Variants in MELK observed in about 807,000 individuals in gnomAD.
The protein encoded by MELK is pEg3 kinase.
MELK carries 81 observed loss-of-function variants against 85.0 expected under a neutral mutation model. The ratio of observed to expected loss-of-function variants is 0.95; its 90% CI spans 0.80 to 1.15. The LOEUF (loss-of-function observed/expected upper bound fraction) is 1.15. MELK is among the 50% of genes most tolerant of loss of function. The pLI is 0.00. For missense variants in MELK, 754 were observed against 777.5 expected, an observed-to-expected ratio of 0.97 and a Z score of 0.36; for synonymous variants, 252 against 265.0, an observed-to-expected ratio of 0.95 and a Z score of 0.48.
At chr9:36,578,469 AT>A (rs989226644) in intron 1 of MELK, among the ~76,000 whole-genome samples, 1 of 152,196 alleles carries the variant, frequency 6.6e-6, no homozygotes, top group Admixed American at 6.5e-5. Context: ...TGTAGTAAAA[AT>A]CATTAGATGT....
chr9:36,580,488 T>C (rs1056720104), intron 1 of MELK, among the ~76,000 whole-genome samples: 1 of 148,942 alleles, frequency 6.7e-6, no homozygotes, highest in African/African-American at 2.5e-5. Context: ...CCTGGCTAAT[T>C]TGTGTATTTT....
intron 11 of MELK, among the ~76,000 whole-genome samples, chr9:36,646,991 T>G (rs1830269260): frequency 6.6e-6 from 1 of 152,270 alleles, no homozygotes; most frequent in Non-Finnish European, 1.5e-5. Flanking sequence ...GAAACCTTTG[T>G]CTTAGACTTG....
chr9:36,581,847 C>A, intron 2 of MELK, 108 bp downstream of exon 2: 2 of 752,508 alleles, frequency 2.7e-6, no homozygotes, highest in South Asian at 2.2e-5. Flanking sequence ...TTTTAAAATT[C>A]TTCTACCTAC....
At chr9:36,606,563 TA>T (rs1191497311) in intron 7 of MELK, among the ~76,000 whole-genome samples, 1 of 136,148 alleles carries the variant, frequency 7.3e-6, no homozygotes, top group Non-Finnish European at 1.6e-5. Context: ...GGTGTGTATA[TA>T]ATATATAATA....
chr9:36,667,445 T>G (rs1449801572), intron 14 of MELK, among the ~76,000 whole-genome samples: 1 of 152,234 alleles, frequency 6.6e-6, no homozygotes, highest in African/African-American at 2.4e-5. Context: ...CGTGGGCCAT[T>G]GTGCCCGGCC....
chr9:36,631,555 C>T (rs1227740981), intron 9 of MELK, among the ~76,000 whole-genome samples: 3 of 151,790 alleles, frequency 2.0e-5, no homozygotes, highest in African/African-American at 4.8e-5. Flanking sequence ...TGTGAGCCAC[C>T]GCACCCAGCC....
At chr9:36,656,401 C>T (rs1262920535) in intron 12 of MELK, among the ~76,000 whole-genome samples, 1 of 152,142 alleles carries the variant, frequency 6.6e-6, no homozygotes, top group Non-Finnish European at 1.5e-5. Flanking sequence ...ATTTGAGAGT[C>T]GGAGGTTTTC....
rs139108274 is a variant in MELK at position 36,572,929 on chromosome 9, C to G, written c.-117C>G. ...CGATCGAAAAGATTCTTAGGAACGC[C>G]GTACCAGCCGCGTCTCTCAGGACAG... On this transcript the variant is annotated 5_prime_UTR_variant, in exon 1 of 18. Coordinates refer to ENST00000298048, the MANE Select transcript of MELK (RefSeq NM_014791.4). 1.3e-5 allele frequency: 2 copies of G among 152,108 alleles called. No individual in the cohort carries two copies. Among genetic ancestry groups the G allele is most frequent in the Non-Finnish European group, 2.9e-5 (2 of 68,030 alleles). The allele number at this position is 152,108 out of a possible 1,614,324, so 9.4% of individuals were successfully genotyped here.
intron 13 of MELK, among the ~76,000 whole-genome samples, chr9:36,659,536 T>C (rs1172613243): frequency 6.6e-6 from 1 of 152,222 alleles, no homozygotes; most frequent in Non-Finnish European, 1.5e-5. Flanking sequence ...TGGTGGTCCA[T>C]GAGATTATAA....
At chr9:36,616,258 A>G (rs1389373358) in intron 8 of MELK, among the ~76,000 whole-genome samples, 1 of 152,170 alleles carries the variant, frequency 6.6e-6, no homozygotes, top group Non-Finnish European at 1.5e-5. Flanking sequence ...TGCCACAGTC[A>G]GAATGTAGAA....
chr9:36,587,311 C>T (rs1379361928), intron 3 of MELK, among the ~76,000 whole-genome samples: 1 of 150,542 alleles, frequency 6.6e-6, no homozygotes, highest in Non-Finnish European at 1.5e-5. Flanking sequence ...AAGACGGAGT[C>T]CCTTTTTATT....
intron 17 of MELK, among the ~76,000 whole-genome samples, 200 bp from the exon 18 acceptor site, chr9:36,676,960 T>C (rs1338162264): frequency 6.6e-6 from 1 of 152,182 alleles, no homozygotes; most frequent in Non-Finnish European, 1.5e-5. Context: ...ATTCTTAGGA[T>C]CCTAGTTCAG....
intron 5 of MELK, among the ~76,000 whole-genome samples, chr9:36,596,590 GTTT>G (rs34969370): frequency 1.1e-5 from 1 of 91,318 alleles, no homozygotes; most frequent in Non-Finnish European, 2.0e-5. Flanking sequence ...TGTTTTTTTT[GTTT>G]TTTTTTTTTT....
At chr9:36,675,934 GT>G (rs1274192692) in intron 17 of MELK, among the ~76,000 whole-genome samples, 1 of 152,304 alleles carries the variant, frequency 6.6e-6, no homozygotes, top group Non-Finnish European at 1.5e-5. Context: ...ATCTGTAAAT[GT>G]TGGCAAGCAT....
chr9:36,586,946 C>T (rs1296719636), intron 3 of MELK, among the ~76,000 whole-genome samples: 1 of 152,062 alleles, frequency 6.6e-6, no homozygotes, highest in African/African-American at 2.4e-5. Flanking sequence ...ACTGCAAGCT[C>T]TGCCTCCCAG....
intron 3 of MELK, among the ~76,000 whole-genome samples, chr9:36,585,315 T>G (rs1822776921): frequency 7.0e-6 from 1 of 142,956 alleles, no homozygotes; most frequent in Non-Finnish European, 1.5e-5. Flanking sequence ...TTTTTTTTTT[T>G]TTTTTTTTTT....
chr9:36,628,443 C>T (rs1020382615), intron 8 of MELK, among the ~76,000 whole-genome samples: 4 of 151,378 alleles, frequency 2.6e-5, no homozygotes, highest in South Asian at 2.1e-4. Context: ...TTTTTTGAGA[C>T]GGAATCTTGC....
chr9:36,579,320 C>A (rs1259803701), intron 1 of MELK, among the ~76,000 whole-genome samples: 2 of 152,148 alleles, frequency 1.3e-5, no homozygotes, highest in Non-Finnish European at 2.9e-5. Context: ...AGCCACCGCG[C>A]CCAGCCTAAT....
chr9:36,645,150 C>T (rs1444535124), intron 11 of MELK, among the ~76,000 whole-genome samples: 5 of 149,760 alleles, frequency 3.3e-5, no homozygotes, highest in South Asian at 2.1e-4. Flanking sequence ...CCCAGCTACT[C>T]GGGAAGCTGA....
Sources: allele counts gnomAD v4.1 joint callset (sites outside exome capture counted in the v4.1 genomes callset), GRCh38; gene constraint gnomAD v4.1.1; transcripts MANE v1.5; gene names NCBI Gene and HGNC (gene_info 2026-07-23, HGNC 2026-07-21).